IL2RA: variants seen among roughly 807,000 people sequenced by gnomAD.
IL2RA encodes the protein interleukin-2 receptor subunit alpha.
A neutral mutation model predicts 37.8 loss-of-function variants in IL2RA; 24 were observed. The observed-to-expected ratio is 0.63, with a 90% CI of 0.46 to 0.89. IL2RA has a LOEUF of 0.89. Ranked by LOEUF, IL2RA falls within the 40% of genes least tolerant of loss-of-function variation. The pLI is 0.00. For synonymous variants in IL2RA, 125 were observed against 114.6 expected (o/e 1.09, Z -0.58); for missense variants, 319 against 348.6 (o/e 0.92, Z 0.68).
rs1408747433 is a variant in IL2RA, at chr10:6,058,606, T to C, written c.64+3482A>G. ...AAGGTGAAGATGGGAAATTCCATTG[T>C]GGGCAGTTGTCTTTACAAGAATGGA... On this transcript the variant is annotated intron_variant, in intron 1 of 7. Coordinates refer to ENST00000379959, the MANE Select transcript of IL2RA (RefSeq NM_000417.3). The surrounding 1 kb of genome is among the most constrained non-coding windows in gnomAD (Gnocchi z 4.2). 6.6e-6 allele frequency among the ~76,000 whole-genome samples: 1 copy of C among 152,250 alleles called. No individual in the cohort carries two copies. Among genetic ancestry groups the C allele is most frequent in the Non-Finnish European group, 1.5e-5 (1 of 68,044 alleles).
intron 1 of IL2RA, among the ~76,000 whole-genome samples, chr10:6,034,386 G>A (rs750782384): frequency 6.6e-6 from 1 of 152,128 alleles, no homozygotes; most frequent in Non-Finnish European, 1.5e-5. Flanking sequence ...AGAAGAGTGT[G>A]TGGAAAGGTA....
chr10:6,050,758 C>T (rs1230130252), intron 1 of IL2RA, among the ~76,000 whole-genome samples: 4 of 152,182 alleles, frequency 2.6e-5, no homozygotes, highest in Admixed American at 6.5e-5. Flanking sequence ...CTCCCTGGCC[C>T]GGGAGTGCTC....
rs763406166 is a variant in IL2RA at position 6,011,273 on chromosome 10, T to C, written c.*1599A>G. 4 of 152,336 alleles carry C rather than the reference T, an allele frequency of 2.6e-5. No individual in the cohort carries two copies. Among genetic ancestry groups the C allele is most frequent in the Non-Finnish European group, 5.9e-5 (4 of 68,024 alleles). The allele number at this position is 152,336 out of a possible 1,614,324, so 9.4% of individuals were successfully genotyped here. On this transcript the variant is annotated 3_prime_UTR_variant, in exon 8 of 8. Coordinates refer to ENST00000379959, the MANE Select transcript of IL2RA (RefSeq NM_000417.3). The surrounding 1 kb of genome is among the most constrained non-coding windows in gnomAD (Gnocchi z 5.2). Reference sequence around the variant, plus strand: ...TGGAACCAGGACTTCCACCGAAATCTTAGCTCTGGAAGTTGATTTTTTTCG... The same window carrying C: ...TGGAACCAGGACTTCCACCGAAATCCTAGCTCTGGAAGTTGATTTTTTTCG...
chr10:6,044,644 G>A lies in IL2RA; in HGVS notation c.64+17444C>T, dbSNP rs1229474697. Reference sequence around the variant, plus strand: ...TCCGATGTCTGAGCCCTGCCTCGGGGGTTGAGTCCCAACTTCTACCTCAGT... The same window carrying A: ...TCCGATGTCTGAGCCCTGCCTCGGGAGTTGAGTCCCAACTTCTACCTCAGT... On this transcript the variant is annotated intron_variant, in intron 1 of 7. Transcript: ENST00000379959. The surrounding 1 kb of genome is among the most constrained non-coding windows in gnomAD (Gnocchi z 4.5). 6.6e-6 allele frequency among the ~76,000 whole-genome samples: 1 copy of A among 152,168 alleles called. No individual in the cohort carries two copies. Among genetic ancestry groups the A allele is most frequent in the South Asian group, 2.1e-4 (1 of 4,830 alleles).
Position 6,062,246 on chromosome 10 carries a change from G to A in IL2RA, c.-95C>T. 1 of 1,037,040 alleles carries A rather than the reference G, an allele frequency of 9.6e-7. No individual in the cohort carries two copies. The highest frequency in any genetic ancestry group is 1.5e-6 in the Non-Finnish European group (1 of 663,774). 64.2% of individuals were successfully genotyped at this position (1,037,040 alleles called of 1,614,324 possible). ...TCAGCCTCTTTTTGGCATCGCGCCG[G>A]AGGATGTGGGATGGGAAGATCGGTC... is the stretch of plus-strand genomic sequence containing the variant. On this transcript the variant is annotated 5_prime_UTR_variant, in exon 1 of 8. Coordinates refer to ENST00000379959, the MANE Select transcript of IL2RA (RefSeq NM_000417.3).
At chr10:6,016,144 C>T (rs568218342) in intron 7 of IL2RA, among the ~76,000 whole-genome samples, 14 of 147,678 alleles carry the variant, frequency 9.5e-5, no homozygotes, top group Admixed American at 5.9e-4. Context: ...GATCAGGTCG[C>T]GAGGGCTCTG....
intron 1 of IL2RA, among the ~76,000 whole-genome samples, chr10:6,051,817 C>CTACATATATATATATATATATATA (rs1554831668): frequency 3.0e-5 from 1 of 33,664 alleles, no homozygotes; most frequent in East Asian, 9.3e-4. Flanking sequence ...TCATGCCCAG[C>CTACATATATATATATATATATATA]TATATATATA....
Position 6,020,990 on chromosome 10 carries a change from T to G in IL2RA, c.583+488A>C, listed in dbSNP as rs1249689248. ...ACTGAGTAAGTCCCGACTCTGCACATTTTATGTTTATTTTTACAAGCTCAG... is the reference window on the plus strand; with the variant it reads ...ACTGAGTAAGTCCCGACTCTGCACAGTTTATGTTTATTTTTACAAGCTCAG... On this transcript the variant is annotated intron_variant, in intron 4 of 7. Coordinates refer to ENST00000379959, the MANE Select transcript of IL2RA (RefSeq NM_000417.3). The surrounding 1 kb of genome is among the most constrained non-coding windows in gnomAD (Gnocchi z 5.6). Among the ~76,000 whole-genome samples, 1 of 151,980 alleles carries G rather than the reference T, an allele frequency of 6.6e-6. No homozygotes were observed. Among genetic ancestry groups the G allele is most frequent in the Non-Finnish European group, 1.5e-5 (1 of 67,996 alleles).
chr10:6,047,183 G>T lies in IL2RA; in HGVS notation c.64+14905C>A, dbSNP rs1053673722. On this transcript the variant is annotated intron_variant, in intron 1 of 7. Transcript: ENST00000379959. This position sits in a 1 kb window ranked among gnomAD's most constrained non-coding sequence, Gnocchi z 5.0. ...GGTGCTGAACCCTTGCTGATGTGCA[G>T]AAGGGGTTAATCAGACCATGTGGAC... 1.3e-5 allele frequency among the ~76,000 whole-genome samples: 2 copies of T among 152,208 alleles called. No homozygotes were observed. The highest frequency in any genetic ancestry group is 4.8e-5 in the African/African-American group (2 of 41,458).
intron 5 of IL2RA, 78 bp downstream of exon 5, chr10:6,019,792 C>T: frequency 7.4e-7 from 1 of 1,354,438 alleles, no homozygotes; most frequent in Non-Finnish European, 1.1e-6. Context: ...CTCCGCCTAT[C>T]TCCCTGAGCC....
chr10:6,045,359 T>C (rs1253634238), intron 1 of IL2RA, among the ~76,000 whole-genome samples: 1 of 152,136 alleles, frequency 6.6e-6, no homozygotes, highest in Non-Finnish European at 1.5e-5. Flanking sequence ...TTATTTTGTC[T>C]TTACTTAGAA....
rs1839678885 is a variant in IL2RA at position 6,036,164 on chromosome 10, G to A, written c.65-10139C>T. On this transcript the variant is annotated intron_variant, in intron 1 of 7. Coordinates refer to ENST00000379959, the MANE Select transcript of IL2RA (RefSeq NM_000417.3). The surrounding 1 kb of genome is among the most constrained non-coding windows in gnomAD (Gnocchi z 6.1). Reference sequence around the variant, plus strand: ...GGATTGCTAAAGATTCAACTTCTCTGTCTCTTTGTGTGCCCGCTAGAAAGG... The same window carrying A: ...GGATTGCTAAAGATTCAACTTCTCTATCTCTTTGTGTGCCCGCTAGAAAGG... 1.3e-5 allele frequency: 2 copies of A among 152,210 alleles called. No individual in the cohort carries two copies. 9.4% of individuals were successfully genotyped at this position (152,210 alleles called of 1,614,324 possible).
chr10:6,032,486 A>G (rs1174474119), intron 1 of IL2RA, among the ~76,000 whole-genome samples: 1 of 152,020 alleles, frequency 6.6e-6, no homozygotes, highest in Non-Finnish European at 1.5e-5. Flanking sequence ...AGGTCAGGAG[A>G]TGGAGACCAT....
rs915215833 is a variant in IL2RA, at chr10:6,029,934, A to T, written c.65-3909T>A. On this transcript the variant is annotated intron_variant, in intron 1 of 7. Coordinates refer to ENST00000379959, the MANE Select transcript of IL2RA (RefSeq NM_000417.3). This position sits in a 1 kb window ranked among gnomAD's most constrained non-coding sequence, Gnocchi z 4.6. ...TGACCAGGCTGGTCTCGAATTCCTG[A>T]CCTCAGATGATCCACCTGCCTTGGC... Among the ~76,000 whole-genome samples, 1 of 152,130 alleles carries T rather than the reference A, an allele frequency of 6.6e-6. No homozygotes were observed. The highest frequency in any genetic ancestry group is 6.6e-5 in the Admixed American group (1 of 15,262).
intron 1 of IL2RA, among the ~76,000 whole-genome samples, chr10:6,060,406 C>G (rs1410850353): frequency 6.6e-6 from 1 of 152,136 alleles, no homozygotes; most frequent in Non-Finnish European, 1.5e-5. Context: ...TTACAAATCA[C>G]CACTAAAGAA....
intron 1 of IL2RA, among the ~76,000 whole-genome samples, chr10:6,032,962 G>C (rs1396341406): frequency 1.3e-5 from 2 of 152,160 alleles, no homozygotes; most frequent in Admixed American, 6.5e-5. Flanking sequence ...TAGCCCATTG[G>C]GGAAATGGAG....
rs1291076049 is a variant in IL2RA at position 6,044,075 on chromosome 10, T to C, written c.64+18013A>G. Among the ~76,000 whole-genome samples, 3 of 152,228 alleles carry C rather than the reference T, an allele frequency of 2.0e-5. No individual in the cohort carries two copies. Among genetic ancestry groups the C allele is most frequent in the African/African-American group, 7.2e-5 (3 of 41,460 alleles). On this transcript the variant is annotated intron_variant, in intron 1 of 7. Transcript: ENST00000379959. The surrounding 1 kb of genome is among the most constrained non-coding windows in gnomAD (Gnocchi z 4.5). The stretch of plus-strand genomic sequence containing the variant: ...ACAGCGGGGAAAGTCTAACTCCCAA[T>C]TTTATTTATGAAGTCAATCATCCAA...
intron 1 of IL2RA, 140 bp from the exon 2 acceptor site, chr10:6,026,165 T>A: frequency 2.4e-6 from 2 of 840,532 alleles, no homozygotes; most frequent in Admixed American, 2.1e-5. Context: ...AGAAAGCAAC[T>A]AAGGCTGCTA....
At chr10:6,052,995 C>T (rs41294913) in intron 1 of IL2RA, among the ~76,000 whole-genome samples, 2,741 of 152,248 alleles carry the variant, frequency 0.018, 38 homozygotes, top group Non-Finnish European at 0.029. Context: ...TGCAGGAGGC[C>T]GGCTGCTCTA....
Sources: gnomAD v4.1 joint callset for allele counts (sites outside exome capture counted in the v4.1 genomes callset) on GRCh38, gnomAD v4.1.1 for gene constraint, Gnocchi (gnomAD v3.1) non-coding constraint, MANE v1.5 for transcripts, NCBI Gene and HGNC (gene_info 2026-07-23, HGNC 2026-07-21) for gene names.